The following DSCAM variants were observed in gnomAD, a reference collection of about 807,000 sequenced individuals.
DSCAM encodes DS cell adhesion molecule, also known as cell adhesion molecule DSCAM.
A neutral mutation model predicts 217.7 loss-of-function variants in DSCAM; 47 were observed. The observed-to-expected ratio is 0.22, with a 90% CI of 0.17 to 0.28. The LOEUF is 0.28. Among genes scored for constraint, DSCAM ranks in the 10% least tolerant of loss-of-function variants. The pLI, the probability that DSCAM is intolerant of heterozygous loss-of-function variation, is 1.00. For missense variants in DSCAM, 2,080 were observed against 2,618.3 expected, an observed-to-expected ratio of 0.79 and a Z score of 4.49; for synonymous variants, 1,056 against 1,015.3, an observed-to-expected ratio of 1.04 and a Z score of -0.76.
At chr21:40,188,941 G>T in intron 12 of DSCAM, 101 bp downstream of exon 12, 2 of 1,210,080 alleles carry the variant, frequency 1.7e-6, no homozygotes, top group East Asian at 2.3e-5. Flanking sequence ...AATAAATTCC[G>T]AAAGATTATC....
chr21:40,386,213 A>C (rs1280520325), intron 3 of DSCAM, among the ~76,000 whole-genome samples: 1 of 152,244 alleles, frequency 6.6e-6, no homozygotes, highest in Non-Finnish European at 1.5e-5. Flanking sequence ...GAAAACAAAA[A>C]GTATAAAAAT....
At chr21:40,599,619 C>T (rs2077047454) in intron 3 of DSCAM, among the ~76,000 whole-genome samples, 2 of 151,998 alleles carry the variant, frequency 1.3e-5, no homozygotes, top group African/African-American at 4.8e-5. Flanking sequence ...CAGAGTAGAA[C>T]TGAAGGAGAT....
chr21:40,679,450 G>C (rs2090375932), intron 3 of DSCAM, among the ~76,000 whole-genome samples: 1 of 152,214 alleles, frequency 6.6e-6, no homozygotes, highest in South Asian at 2.1e-4. Flanking sequence ...ACTTACTGAA[G>C]CTCTCTCTGC....
At chr21:40,039,122 C>T (rs1377019252) in intron 32 of DSCAM, among the ~76,000 whole-genome samples, 1 of 151,850 alleles carries the variant, frequency 6.6e-6, no homozygotes, top group African/African-American at 2.4e-5. Context: ...ACATATGTAA[C>T]TAACCTGCAC....
rs542106779 is a variant in DSCAM, at chr21:40,259,661, C to CTTTTTTTTTTTTTTT, written c.2356+16421_2356+16435dup. 1.2e-4 allele frequency among the ~76,000 whole-genome samples: 7 copies of CTTTTTTTTTTTTTTT among 59,518 alleles called. 3 individuals carry two copies. Among genetic ancestry groups the CTTTTTTTTTTTTTTT allele is most frequent in the Non-Finnish European group, 2.6e-4 (7 of 27,258 alleles). 39.0% of individuals were successfully genotyped at this position (59,518 alleles called of 152,430 possible). On this transcript the variant is annotated intron_variant, in intron 11 of 32. Coordinates refer to ENST00000400454, the MANE Select transcript of DSCAM (RefSeq NM_001389.5). ...GAATGAAAGTTTTGAGTCAGCCATTCTTTTTTTTTTTTTTTTTTTTTTTTT... is the reference window on the plus strand; with the variant it reads ...GAATGAAAGTTTTGAGTCAGCCATTCTTTTTTTTTTTTTTTTTTTTTTTTTTTTTTTTTTTTTTTT...
intron 16 of DSCAM, among the ~76,000 whole-genome samples, chr21:40,153,622 T>C (rs989328454): frequency 2.0e-5 from 3 of 152,136 alleles, no homozygotes; most frequent in African/African-American, 7.2e-5. Context: ...TGTAGTGGTA[T>C]GGTGCGCTAC....
chr21:40,658,101 C>T (rs1189771876), intron 3 of DSCAM, among the ~76,000 whole-genome samples: 2 of 152,042 alleles, frequency 1.3e-5, no homozygotes, highest in African/African-American at 4.8e-5. Context: ...GGAAAGGTCC[C>T]ACAGAGAACC....
chr21:40,353,164 G>A (rs763448451), intron 5 of DSCAM, among the ~76,000 whole-genome samples: 6 of 152,216 alleles, frequency 3.9e-5, no homozygotes, highest in Non-Finnish European at 8.8e-5. Context: ...CAGCTAGGAA[G>A]TGTTATCTTG....
At chr21:40,371,957 C>T (rs16999705) in intron 3 of DSCAM, among the ~76,000 whole-genome samples, 3,334 of 152,252 alleles carry the variant, frequency 0.022, 131 homozygotes, top group African/African-American at 0.076. Context: ...TCCTTCATTT[C>T]TCAATTTATC....
intron 3 of DSCAM, among the ~76,000 whole-genome samples, chr21:40,670,373 T>C (rs1303178846): frequency 6.3e-5 from 2 of 31,598 alleles, no homozygotes; most frequent in Non-Finnish European, 7.6e-5. Context: ...TCATCTCTAC[T>C]AAAACAAAAA....
At chr21:40,376,132 T>C (rs2837588) in intron 3 of DSCAM, among the ~76,000 whole-genome samples, 11,848 of 152,192 alleles carry the variant, frequency 0.078, 793 homozygotes, top group Admixed American at 0.23. Context: ...ATTGAGTTAA[T>C]AGCAATTGAA....
intron 1 of DSCAM, among the ~76,000 whole-genome samples, chr21:40,709,659 G>A (rs540207089): frequency 4.6e-5 from 7 of 152,316 alleles, no homozygotes; most frequent in African/African-American, 1.7e-4. Context: ...TCCCTGCAAA[G>A]GATATGAACT....
chr21:40,760,887 C>T (rs1008391508), intron 1 of DSCAM, among the ~76,000 whole-genome samples: 1 of 152,332 alleles, frequency 6.6e-6, no homozygotes, highest in Non-Finnish European at 1.5e-5. Flanking sequence ...CAAGACACCT[C>T]ACTGAGAATC....
chr21:40,485,857 A>C (rs1474053967), intron 3 of DSCAM, among the ~76,000 whole-genome samples: 2 of 152,090 alleles, frequency 1.3e-5, no homozygotes. Flanking sequence ...CTGACTTTTC[A>C]CACATATACA....
chr21:40,289,247 AG>A (rs2073862984), intron 10 of DSCAM, among the ~76,000 whole-genome samples: 1 of 152,322 alleles, frequency 6.6e-6, no homozygotes, highest in African/African-American at 2.4e-5. Flanking sequence ...CAGGAAGATG[AG>A]GGAATCAGGG....
intron 18 of DSCAM, 92 bp from the exon 19 acceptor site, chr21:40,134,101 TGCCATCACCCGTCCA>T: frequency 6.9e-7 from 1 of 1,459,636 alleles, no homozygotes; most frequent in East Asian, 2.4e-5. Context: ...CCCTGTGCCA[TGCCATCACCCGTCCA>T]GCCATCATCT....
At chr21:40,093,584 C>T (rs1006942150) in intron 21 of DSCAM, 137 bp downstream of exon 21, 6 of 1,074,844 alleles carry the variant, frequency 5.6e-6, no homozygotes, top group Non-Finnish European at 8.1e-6. Context: ...TTAGCCACAA[C>T]CCTGTTTCTT....
intron 32 of DSCAM, among the ~76,000 whole-genome samples, chr21:40,041,086 T>C (rs1489698417): frequency 6.6e-6 from 1 of 152,232 alleles, no homozygotes; most frequent in Non-Finnish European, 1.5e-5. Flanking sequence ...GGATAAACTA[T>C]TCTTATTTTA....
intron 3 of DSCAM, among the ~76,000 whole-genome samples, chr21:40,643,443 G>A (rs937096162): frequency 9.9e-5 from 15 of 152,184 alleles, no homozygotes; most frequent in African/African-American, 2.9e-4. Context: ...GAGGACTTCA[G>A]AGCCTTAACT....
Sources: gnomAD v4.1 joint callset for allele counts (sites outside exome capture counted in the v4.1 genomes callset) on GRCh38, gnomAD v4.1.1 for gene constraint, MANE v1.5 for transcripts, NCBI Gene and HGNC (gene_info 2026-07-23, HGNC 2026-07-21) for gene names.